Variants in SYMPK observed in about 807,000 individuals in gnomAD.
SYMPK encodes symplekin scaffold protein, also known as symplekin.
In SYMPK, 49 loss-of-function variants were observed where a neutral mutation model predicts 136.4. That is an observed-to-expected ratio of 0.36 (90% CI 0.29 to 0.46). The LOEUF (loss-of-function observed/expected upper bound fraction) is 0.46, where lower values mean the gene tolerates loss of function less well. SYMPK is among the 20% of genes least tolerant of loss of function. SYMPK has a pLI of 1.00. For missense variants in SYMPK, 1,365 were observed against 1,690.0 expected (o/e 0.81, Z 3.37); for synonymous variants, 766 against 713.0 (o/e 1.07, Z -1.19).
rs1419734532 is a variant in SYMPK at position 45,858,401 on chromosome 19, C to A, written c.-12-3894G>T. Among the ~76,000 whole-genome samples, 8 of 152,220 alleles carry A rather than the reference C, an allele frequency of 5.3e-5. No homozygotes were observed. In the South Asian group the frequency reaches 1.7e-3, roughly 31 times the overall value. ...CCCCTTCCTCAAAGACTTTGTGCCT[C>A]TCTTCCGTCTGCCTGGAATATTCCT... On this transcript the variant is annotated intron_variant, in intron 1 of 26. Transcript: ENST00000245934.
At chr19:45,841,188 T>C (rs1971425831) in intron 9 of SYMPK, among the ~76,000 whole-genome samples, 1 of 152,124 alleles carries the variant, frequency 6.6e-6, no homozygotes, top group African/African-American at 2.4e-5. Context: ...TTCACCATGT[T>C]AGCCAGGCTA....
chr19:45,828,165 T>C, intron 14 of SYMPK: 2 of 467,006 alleles, frequency 4.3e-6, no homozygotes, highest in East Asian at 4.1e-5. Context: ...TTCCTAACTT[T>C]ATTCACTGAA....
intron 10 of SYMPK, among the ~76,000 whole-genome samples, chr19:45,838,053 G>A (rs1971345718): frequency 6.6e-6 from 1 of 152,122 alleles, no homozygotes; most frequent in Non-Finnish European, 1.5e-5. Flanking sequence ...GATGTGGGAG[G>A]TGGGGCCTGG....
chr19:45,826,047 C>A (rs551177838), intron 17 of SYMPK, among the ~76,000 whole-genome samples, 179 bp downstream of exon 17: 2 of 152,270 alleles, frequency 1.3e-5, no homozygotes, highest in East Asian at 3.9e-4. Flanking sequence ...TCTCCCTGAC[C>A]CCCCAGGCTG....
At position 45,821,140 on chromosome 19, in the gene SYMPK, G is replaced by A. The variant is rs1485295893; in HGVS notation, c.2893+244C>T. Reference sequence around the variant, plus strand: ...GCCAGGGCACAGCAGGTACATCAGAGGCAGAAAAAGGTGGGTTGTAAAGGG... The same window carrying A: ...GCCAGGGCACAGCAGGTACATCAGAAGCAGAAAAAGGTGGGTTGTAAAGGG... On this transcript the variant is annotated intron_variant, in intron 22 of 26. Transcript: ENST00000245934. The surrounding 1 kb of genome is among the most constrained non-coding windows in gnomAD (Gnocchi z 4.4). 2.9e-6 allele frequency: 2 copies of A among 687,336 alleles called. No homozygotes were observed. The highest frequency in any genetic ancestry group is 2.1e-5 in the Admixed American group (1 of 48,686). 42.6% of individuals were successfully genotyped at this position (687,336 alleles called of 1,614,324 possible). A position where few individuals can be genotyped will look rare whatever the true frequency, so the allele number is the denominator to read the frequency against.
At position 45,815,693 on chromosome 19, in the gene SYMPK, G is replaced by A. The variant is rs1236847998; in HGVS notation, c.3692C>T (p.Thr1231Met). Reference sequence around the variant, plus strand: ...CTTCAAGGTCAGCCCGCCCGCTGCCGTCTCCTGGTGACCGGGGAAGGAAAG... The same window carrying A: ...CTTCAAGGTCAGCCCGCCCGCTGCCATCTCCTGGTGACCGGGGAAGGAAAG... ...SSLEGPLPKE[T>M]AAGGLTLKEE... Residue 1231 changes from threonine (T) to methionine (M), a missense_variant, in exon 27 of 27, where the codon ACG becomes ATG. This residue lies in a region of SYMPK where 341 missense variants were observed against 270.5 expected (regional missense o/e 1.26). Coordinates refer to ENST00000245934, the MANE Select transcript of SYMPK (RefSeq NM_004819.3). 12 of 1,609,524 alleles carry A rather than the reference G, an allele frequency of 7.5e-6. No individual in the cohort carries two copies. The highest frequency in any genetic ancestry group is 4.5e-5 in the East Asian group (2 of 44,720).
rs2146293378 is a variant in SYMPK at position 45,815,453 on chromosome 19, A to G, written c.*107T>C. 9.0e-7 allele frequency: 1 copy of G among 1,112,808 alleles called. No homozygotes were observed. Among genetic ancestry groups the G allele is most frequent in the Non-Finnish European group, 1.2e-6 (1 of 812,464 alleles). 68.9% of individuals were successfully genotyped at this position (1,112,808 alleles called of 1,614,324 possible). On this transcript the variant is annotated 3_prime_UTR_variant, in exon 27 of 27. Coordinates refer to ENST00000245934, the MANE Select transcript of SYMPK (RefSeq NM_004819.3). ...TTTTTTCTTTTCAGTAACTTGCCCA[A>G]GTTCACATCTTTTATTTCTTTTTAA...
intron 1 of SYMPK, among the ~76,000 whole-genome samples, chr19:45,856,630 A>C (rs984221837): frequency 2.0e-5 from 3 of 152,172 alleles, no homozygotes; most frequent in African/African-American, 7.2e-5. Context: ...ATGGGAAAAG[A>C]TCTGAAGGCT....
Position 45,821,115 on chromosome 19 carries a change from G to A in SYMPK, c.2893+269C>T, listed in dbSNP as rs1970878060. On this transcript the variant is annotated intron_variant, in intron 22 of 26. Transcript: ENST00000245934. The surrounding 1 kb of genome is among the most constrained non-coding windows in gnomAD (Gnocchi z 4.4). The stretch of plus-strand genomic sequence containing the variant: ...CCCAACTGCTTTAGGCCCACTCTGT[G>A]CCAGGGCACAGCAGGTACATCAGAG... 1.5e-6 allele frequency: 1 copy of A among 677,812 alleles called. No individual in the cohort carries two copies. Among genetic ancestry groups the A allele is most frequent in the Admixed American group, 2.1e-5 (1 of 47,118 alleles). The allele number at this position is 677,812 out of a possible 1,614,324, so 42.0% of individuals were successfully genotyped here.
At chr19:45,818,276 GGA>G (rs1426629530) in intron 22 of SYMPK, 130 bp from the exon 23 acceptor site, 1 of 945,324 alleles carries the variant, frequency 1.1e-6, no homozygotes, top group African/African-American at 1.7e-5. Flanking sequence ...AGCCCCTGCG[GGA>G]GAGAGGAGAC....
chr19:45,843,407 C>T (rs185660540), intron 8 of SYMPK, among the ~76,000 whole-genome samples: 114 of 152,200 alleles, frequency 7.5e-4, no homozygotes, highest in Non-Finnish European at 1.4e-3. Flanking sequence ...CTCTGTGTAC[C>T]CATCAACATT....
intron 1 of SYMPK, among the ~76,000 whole-genome samples, chr19:45,857,791 G>A (rs1325620622): frequency 7.0e-6 from 1 of 143,862 alleles, no homozygotes; most frequent in Non-Finnish European, 1.5e-5. Context: ...GCAACCAGCC[G>A]AAAATACTTT....
At chr19:45,834,055 A>G (rs998936842) in intron 11 of SYMPK, among the ~76,000 whole-genome samples, 1 of 152,338 alleles carries the variant, frequency 6.6e-6, no homozygotes, top group South Asian at 2.1e-4. Flanking sequence ...TGGGAGGCCA[A>G]GGCGGGTGGA....
At chr19:45,831,293 A>C in intron 12 of SYMPK, 91 bp downstream of exon 12, 1 of 862,572 alleles carries the variant, frequency 1.2e-6, no homozygotes, top group Non-Finnish European at 1.6e-6. Flanking sequence ...ACACACACAC[A>C]CGCACACGCA....
chr19:45,851,384 T>C (rs1971693438), intron 5 of SYMPK, among the ~76,000 whole-genome samples: 1 of 152,104 alleles, frequency 6.6e-6, no homozygotes, highest in Non-Finnish European at 1.5e-5. Context: ...AAGACTGGCC[T>C]GGCCAACATG....
chr19:45,843,793 A>G (rs1971498375), intron 8 of SYMPK, among the ~76,000 whole-genome samples: 1 of 151,750 alleles, frequency 6.6e-6, no homozygotes, highest in Non-Finnish European at 1.5e-5. Flanking sequence ...AAAAGTAAAC[A>G]AATTAGCTGG....
chr19:45,821,872 G>A lies in SYMPK; in HGVS notation c.2792-387C>T, dbSNP rs1293769258. On this transcript the variant is annotated intron_variant, in intron 21 of 26. Transcript: ENST00000245934. The surrounding 1 kb of genome is among the most constrained non-coding windows in gnomAD (Gnocchi z 4.4). ...TGTGGCACAGGGCAAGATGGAGCCA[G>A]GCTACAGGCTTCCAAAAAGTGGCTG... Among the ~76,000 whole-genome samples the A allele has an allele frequency of 1.3e-5, 2 of 152,192 alleles. No individual in the cohort carries two copies. The highest frequency in any genetic ancestry group is 2.9e-5 in the Non-Finnish European group (2 of 68,030).
At position 45,822,814 on chromosome 19, in the gene SYMPK, G is replaced by C. The variant is rs759641739; in HGVS notation, c.2733C>G (p.Ile911Met). 11 of 1,614,118 alleles carry C rather than the reference G, an allele frequency of 6.8e-6. No homozygotes were observed. The South Asian group carries it at 1.1e-4, about 16-fold the overall frequency. ...CCTTCACCACGATGGGGTTGAGTTT[G>C]ATGAGTTTAGGCAGGGCCTGGATCA... is the stretch of plus-strand genomic sequence containing the variant. ...KEVIQALPKL[I>M]KLNPIVVKEV... The change falls in exon 21 of 27, where the codon ATC becomes ATG. Residue 911 changes from isoleucine to methionine, a missense_variant. Ile to Met is a conservative substitution (Grantham distance 10). Coordinates refer to ENST00000245934, the MANE Select transcript of SYMPK (RefSeq NM_004819.3).
intron 15 of SYMPK, 44 bp from the exon 16 acceptor site, chr19:45,827,667 T>C (rs769618597): frequency 1.1e-5 from 17 of 1,566,070 alleles, no homozygotes; most frequent in Non-Finnish European, 1.4e-5. Context: ...CACCTGAGTG[T>C]GCCTCTGGGC....
Sources: allele counts gnomAD v4.1 joint callset (sites outside exome capture counted in the v4.1 genomes callset), GRCh38; gene constraint gnomAD v4.1.1; regional missense constraint gnomAD v4.1.1; non-coding constraint Gnocchi (gnomAD v3.1); transcripts MANE v1.5; gene names NCBI Gene and HGNC (gene_info 2026-07-23, HGNC 2026-07-21).